The following HIVEP1 variants were observed in gnomAD, a reference collection of about 807,000 sequenced individuals.
HIVEP1 encodes zinc finger protein 40.
In HIVEP1, 36 loss-of-function variants were observed where a neutral mutation model predicts 180.0. The observed-to-expected ratio is 0.20, with a 90% CI of 0.15 to 0.26. HIVEP1 has a LOEUF of 0.26. HIVEP1 is among the 10% of genes least tolerant of loss of function. HIVEP1 has a pLI of 1.00. For synonymous variants in HIVEP1, 1,239 were observed against 1,239.0 expected, an observed-to-expected ratio of 1.00 and a Z score of 0.00; for missense variants, 3,143 against 3,268.7, an observed-to-expected ratio of 0.96 and a Z score of 0.94.
chr6:12,047,050 G>A (rs1360347681), intron 2 of HIVEP1, among the ~76,000 whole-genome samples: 2 of 151,766 alleles, frequency 1.3e-5, no homozygotes, highest in African/African-American at 4.8e-5. Flanking sequence ...TAGTAGAGAC[G>A]GGGTTTCACC....
chr6:12,112,307 C>T (rs899253931), intron 3 of HIVEP1, among the ~76,000 whole-genome samples: 1 of 152,050 alleles, frequency 6.6e-6, no homozygotes, highest in Admixed American at 6.5e-5. Context: ...CCTCTGGCTG[C>T]TTTCAGGATT....
intron 2 of HIVEP1, among the ~76,000 whole-genome samples, chr6:12,060,140 T>A (rs55698720): frequency 0.22 from 32,906 of 152,114 alleles, 4,237 homozygotes; most frequent in Middle Eastern, 0.32. Flanking sequence ...CCATCACATG[T>A]TTATAACCAC....
chr6:12,172,657 G>A, the HIVEP1 span, among the ~76,000 whole-genome samples: 5 of 152,052 alleles, frequency 3.3e-5, no homozygotes, highest in African/African-American at 7.2e-5. Flanking sequence ...ATTTTATATA[G>A]TGCAGTATTT....
chr6:12,066,003 C>T (rs184059847), intron 2 of HIVEP1, among the ~76,000 whole-genome samples: 3 of 152,188 alleles, frequency 2.0e-5, no homozygotes, highest in East Asian at 3.9e-4. Flanking sequence ...GAGGGCTTCC[C>T]AGGCAGGTGT....
chr6:12,104,720 G>A (rs1337938471), intron 3 of HIVEP1, among the ~76,000 whole-genome samples: 1 of 152,014 alleles, frequency 6.6e-6, no homozygotes, highest in Non-Finnish European at 1.5e-5. Flanking sequence ...ACCTCTGTGA[G>A]CCACTGCACC....
downstream of HIVEP1, among the ~76,000 whole-genome samples, chr6:12,166,099 C>G (rs1760693824): frequency 2.0e-5 from 3 of 152,206 alleles, no homozygotes; most frequent in Admixed American, 1.3e-4. Context: ...AATATCTGCT[C>G]TAGGGATTGC....
At chr6:12,147,979 G>A (rs541913315) in intron 7 of HIVEP1, among the ~76,000 whole-genome samples, 24 of 152,182 alleles carry the variant, frequency 1.6e-4, no homozygotes, top group African/African-American at 5.1e-4. Flanking sequence ...CTACTTTAAC[G>A]CTTCTGTATA....
chr6:12,168,667 G>A (rs1581825506), downstream of HIVEP1, among the ~76,000 whole-genome samples: 1 of 152,026 alleles, frequency 6.6e-6, no homozygotes, highest in African/African-American at 2.4e-5. Flanking sequence ...ATGCTGGGCA[G>A]CAGCAGGAGC....
At chr6:12,024,488 T>G (rs890875862) in intron 2 of HIVEP1, among the ~76,000 whole-genome samples, 9 of 152,202 alleles carry the variant, frequency 5.9e-5, no homozygotes, top group Non-Finnish European at 1.3e-4. Context: ...AGCTTGATTT[T>G]TATGGTCCTT....
At chr6:12,150,328 A>G (rs968063444) in intron 7 of HIVEP1, among the ~76,000 whole-genome samples, 1 of 152,174 alleles carries the variant, frequency 6.6e-6, no homozygotes, top group Non-Finnish European at 1.5e-5. Context: ...TCGTCAACAA[A>G]TGCTGGACTT....
Position 12,015,509 on chromosome 6 carries a change from GT to G in HIVEP1, c.-103-10del. On this transcript the variant is annotated splice_polypyrimidine_tract_variant and intron_variant, in intron 1 of 8. Coordinates refer to ENST00000379388, the MANE Select transcript of HIVEP1 (RefSeq NM_002114.4). ...TGAAGGTAGTAAAATGTGCTTCTCC[GT>G]TTTTTTCTTTTTCAGCACATGGATT... The G allele has an allele frequency of 2.5e-6, 2 of 805,856 alleles. No homozygotes were observed. Among genetic ancestry groups the G allele is most frequent in the Non-Finnish European group, 4.2e-6 (2 of 480,694 alleles). 49.9% of individuals were successfully genotyped at this position (805,856 alleles called of 1,614,324 possible).
At chr6:12,015,033 C>T (rs910849730) in intron 1 of HIVEP1, among the ~76,000 whole-genome samples, 9 of 152,228 alleles carry the variant, frequency 5.9e-5, no homozygotes, top group African/African-American at 2.2e-4. Flanking sequence ...TTAGCTACAG[C>T]TCCTCACACG....
chr6:12,028,951 C>A (rs1261414004), intron 2 of HIVEP1, among the ~76,000 whole-genome samples: 1 of 152,202 alleles, frequency 6.6e-6, no homozygotes, highest in Non-Finnish European at 1.5e-5. Flanking sequence ...TAAGTAGAAT[C>A]ATACAGTATA....
the HIVEP1 span, among the ~76,000 whole-genome samples, chr6:12,198,932 G>A: frequency 6.6e-6 from 1 of 152,296 alleles, no homozygotes; most frequent in Admixed American, 6.5e-5. Flanking sequence ...AACGACAGAC[G>A]CAAGAAGACC....
chr6:12,176,258 A>G, the HIVEP1 span, among the ~76,000 whole-genome samples: 2 of 147,248 alleles, frequency 1.4e-5, no homozygotes, highest in South Asian at 4.3e-4. Context: ...TTTGAAACGA[A>G]GTCTCGCTCT....
At chr6:12,183,040 G>A in the HIVEP1 span, among the ~76,000 whole-genome samples, 1 of 152,056 alleles carries the variant, frequency 6.6e-6, no homozygotes, top group Non-Finnish European at 1.5e-5. Context: ...TATTCATGGG[G>A]GAGTCTGTAT....
the HIVEP1 span, among the ~76,000 whole-genome samples, chr6:12,205,006 C>T: frequency 3.3e-5 from 5 of 152,124 alleles, no homozygotes; most frequent in Admixed American, 1.3e-4. Context: ...GGCACTGGGG[C>T]AGAGAGCGCC....
chr6:12,042,436 A>G (rs1408364476), intron 2 of HIVEP1, among the ~76,000 whole-genome samples: 2 of 142,484 alleles, frequency 1.4e-5, no homozygotes, highest in Non-Finnish European at 1.5e-5. Context: ...GCTGGAGTGC[A>G]GTGGCCCGAT....
chr6:12,187,767 G>A, the HIVEP1 span, among the ~76,000 whole-genome samples: 1 of 151,666 alleles, frequency 6.6e-6, no homozygotes, highest in Admixed American at 6.6e-5. Context: ...TAATTTTTTT[G>A]TAGAGATGAG....
Sources: allele counts gnomAD v4.1 joint callset (sites outside exome capture counted in the v4.1 genomes callset), GRCh38; gene constraint gnomAD v4.1.1; transcripts MANE v1.5; gene names NCBI Gene and HGNC (gene_info 2026-07-23, HGNC 2026-07-21).